Variants in AKT3 observed in about 807,000 individuals in gnomAD.
The protein encoded by AKT3 is AKT serine/threonine kinase 3, also known as RAC-gamma serine/threonine-protein kinase.
AKT3 carries 15 observed loss-of-function variants against 65.3 expected under a neutral mutation model. The observed-to-expected ratio is 0.23, with a 90% CI of 0.15 to 0.35. The LOEUF (loss-of-function observed/expected upper bound fraction) is 0.35, where lower values mean the gene tolerates loss of function less well. AKT3 is among the 10% of genes least tolerant of loss of function. AKT3 has a pLI of 1.00. For synonymous variants in AKT3, 206 were observed against 183.8 expected (o/e 1.12, Z -0.98); for missense variants, 243 against 576.5 (o/e 0.42, Z 5.92).
chr1:243,568,875 C>G (rs945810336), intron 9 of AKT3, among the ~76,000 whole-genome samples: 10 of 152,128 alleles, frequency 6.6e-5, no homozygotes, highest in Non-Finnish European at 1.3e-4. Context: ...GTCTGAGAAG[C>G]TAGGCTTGAA....
At chr1:243,794,930 T>C (rs931609859) in intron 2 of AKT3, among the ~76,000 whole-genome samples, 2 of 152,250 alleles carry the variant, frequency 1.3e-5, no homozygotes, top group Non-Finnish European at 2.9e-5. Flanking sequence ...TTAGTTGACG[T>C]TGTTTGCCTG....
chr1:243,521,078 A>C (rs919479444), intron 12 of AKT3, among the ~76,000 whole-genome samples: 2 of 152,196 alleles, frequency 1.3e-5, no homozygotes, highest in African/African-American at 4.8e-5. Context: ...ACTATCAGAT[A>C]TCTATATTCT....
intron 2 of AKT3, among the ~76,000 whole-genome samples, chr1:243,750,038 A>G (rs1324160845): frequency 6.6e-6 from 1 of 152,176 alleles, no homozygotes; most frequent in African/African-American, 2.4e-5. Context: ...CTTCTCATAT[A>G]GGCTAAATGC....
chr1:243,759,819 G>C (rs1055479792), intron 2 of AKT3, among the ~76,000 whole-genome samples: 1 of 152,176 alleles, frequency 6.6e-6, no homozygotes, highest in African/African-American at 2.4e-5. Flanking sequence ...GGAAGGTTCT[G>C]CTTCTGTAAA....
At chr1:243,596,990 G>A (rs1399068789) in intron 8 of AKT3, among the ~76,000 whole-genome samples, 1 of 152,168 alleles carries the variant, frequency 6.6e-6, no homozygotes, top group African/African-American at 2.4e-5. Context: ...TTAAAAAGAT[G>A]AATCAAATCT....
At chr1:243,551,908 C>A (rs6694738) in intron 11 of AKT3, among the ~76,000 whole-genome samples, 19,405 of 152,078 alleles carry the variant, frequency 0.13, 1,424 homozygotes, top group East Asian at 0.23. Context: ...GCTGTAGCTA[C>A]AAAAACAGAA....
At chr1:243,719,594 T>C (rs1686746636) in intron 2 of AKT3, among the ~76,000 whole-genome samples, 2 of 152,138 alleles carry the variant, frequency 1.3e-5, no homozygotes, top group Admixed American at 6.6e-5. Flanking sequence ...CTTAGTGCTT[T>C]ACTACAATGA....
intron 3 of AKT3, among the ~76,000 whole-genome samples, chr1:243,693,405 C>T (rs973756621): frequency 2.7e-5 from 4 of 150,482 alleles, no homozygotes; most frequent in Non-Finnish European, 5.9e-5. Flanking sequence ...TCTCTTGCAC[C>T]AATTGTTCCT....
chr1:243,749,590 G>A lies in AKT3; in HGVS notation c.47-53874C>T, dbSNP rs1364214270. Among the ~76,000 whole-genome samples, 3 of 152,180 alleles carry A rather than the reference G, an allele frequency of 2.0e-5. No homozygotes were observed. In the East Asian group the frequency reaches 5.8e-4, roughly 29 times the overall value. ...CTCTTTCTTGTGTCCCATCTTTACT[G>A]TCATCTAAGATTTGATTATGTCAAA... On this transcript the variant is annotated intron_variant, in intron 2 of 13. Transcript: ENST00000673466.
At chr1:243,522,523 G>A (rs766223795) in intron 12 of AKT3, among the ~76,000 whole-genome samples, 92 of 152,210 alleles carry the variant, frequency 6.0e-4, no homozygotes, top group Non-Finnish European at 2.6e-4. Flanking sequence ...CCCAGGTATG[G>A]TAGCATGTGC....
intron 2 of AKT3, among the ~76,000 whole-genome samples, chr1:243,778,072 T>C (rs1001872126): frequency 1.3e-5 from 2 of 152,172 alleles, no homozygotes; most frequent in Non-Finnish European, 2.9e-5. Context: ...AAGTATGACC[T>C]TGCCTATTAC....
intron 2 of AKT3, among the ~76,000 whole-genome samples, chr1:243,829,405 T>C (rs1413180091): frequency 1.3e-5 from 2 of 152,132 alleles, no homozygotes; most frequent in African/African-American, 4.8e-5. Context: ...CATATTAAAC[T>C]ACTTAACAAC....
chr1:243,563,165 A>T (rs1673913251), intron 10 of AKT3, among the ~76,000 whole-genome samples: 1 of 152,208 alleles, frequency 6.6e-6, no homozygotes, highest in African/African-American at 2.4e-5. Flanking sequence ...CCTGATATAC[A>T]GCAGATACAC....
intron 6 of AKT3, among the ~76,000 whole-genome samples, chr1:243,627,509 C>T (rs974848904): frequency 1.3e-5 from 2 of 152,142 alleles, no homozygotes; most frequent in East Asian, 1.9e-4. Flanking sequence ...TAATTTGTTT[C>T]GAAGGGATTC....
chr1:243,814,898 T>C (rs1364359990), intron 2 of AKT3, among the ~76,000 whole-genome samples: 2 of 152,238 alleles, frequency 1.3e-5, no homozygotes, highest in African/African-American at 2.4e-5. Flanking sequence ...TGGGAGTCAC[T>C]GACCCATAGC....
rs937633851 is a variant in AKT3, at chr1:243,547,797, T to A, written c.1164-2200A>T. Among the ~76,000 whole-genome samples the A allele has an allele frequency of 3.3e-5, 5 of 152,212 alleles. No individual in the cohort carries two copies. In the South Asian group the frequency reaches 1.0e-3, roughly 32 times the overall value. On this transcript the variant is annotated intron_variant, in intron 11 of 13. Coordinates refer to ENST00000673466, the MANE Select transcript of AKT3 (RefSeq NM_005465.7). Reference sequence around the variant, plus strand: ...AAATGGAAAACAGTCAACTGATACCTGAATATCTTTAGTGATGATAAATAA... The same window carrying A: ...AAATGGAAAACAGTCAACTGATACCAGAATATCTTTAGTGATGATAAATAA...
chr1:243,779,616 C>T (rs1036264181), intron 2 of AKT3, among the ~76,000 whole-genome samples: 2 of 151,918 alleles, frequency 1.3e-5, no homozygotes, highest in Non-Finnish European at 1.5e-5. Flanking sequence ...GTACGGTATT[C>T]ATGCAAAAAT....
Position 243,550,789 on chromosome 1 carries a change from C to CAAAAAAAAAA in AKT3, c.1163+1930_1163+1939dup, listed in dbSNP as rs60834632. Among the ~76,000 whole-genome samples, 3 of 33,678 alleles carry CAAAAAAAAAA rather than the reference C, an allele frequency of 8.9e-5. 1 individual carries two copies. Among genetic ancestry groups the CAAAAAAAAAA allele is most frequent in the Non-Finnish European group, 5.0e-5 (1 of 19,860 alleles). The allele number at this position is 33,678 out of a possible 152,430, so 22.1% of individuals were successfully genotyped here. A position where few individuals can be genotyped will look rare whatever the true frequency, so the allele number is the denominator to read the frequency against. ...TGAAACCCCATCTCTACTAAAATAC[C>CAAAAAAAAAA]AAAAAAAAAAAAAAAAAAAAAAAGC... On this transcript the variant is annotated intron_variant, in intron 11 of 13. Transcript: ENST00000673466.
At chr1:243,772,350 AC>A (rs1163008908) in intron 2 of AKT3, among the ~76,000 whole-genome samples, 1 of 152,220 alleles carries the variant, frequency 6.6e-6, no homozygotes, top group African/African-American at 2.4e-5. Flanking sequence ...CAAGAAAAAA[AC>A]AACCCCATCA....
Sources: gnomAD v4.1 joint callset for allele counts (sites outside exome capture counted in the v4.1 genomes callset) on GRCh38, gnomAD v4.1.1 for gene constraint, MANE v1.5 for transcripts, NCBI Gene and HGNC (gene_info 2026-07-23, HGNC 2026-07-21) for gene names.